Variants in DPP10 observed in about 807,000 individuals in gnomAD.
DPP10 encodes the protein dipeptidyl peptidase like 10.
DPP10 carries 33 observed loss-of-function variants against 120.9 expected under a neutral mutation model. The ratio of observed to expected loss-of-function variants is 0.27; its 90% confidence interval spans 0.21 to 0.37. The LOEUF (loss-of-function observed/expected upper bound fraction) is 0.37. DPP10 is among the 10% of genes least tolerant of loss of function. DPP10 has a pLI of 1.00. For synonymous variants in DPP10, 337 were observed against 326.1 expected (o/e 1.03, Z -0.36); for missense variants, 816 against 942.8 (o/e 0.87, Z 1.76).
At chr2:114,971,704 G>A in intron 1 of DPP10, among the ~76,000 whole-genome samples, 1 of 149,330 alleles carries the variant, frequency 6.7e-6, no homozygotes, top group Admixed American at 6.7e-5. Flanking sequence ...GGGGGGCAAG[G>A]GATATTAAAC....
chr2:115,678,560 A>G (rs1014852501), intron 5 of DPP10, among the ~76,000 whole-genome samples: 6 of 152,124 alleles, frequency 3.9e-5, no homozygotes, highest in Non-Finnish European at 8.8e-5. Flanking sequence ...AGTCTACTGC[A>G]GGGGTGCAGT....
At chr2:114,495,616 G>A (rs1228829584) in intron 1 of DPP10, among the ~76,000 whole-genome samples, 1 of 152,178 alleles carries the variant, frequency 6.6e-6, no homozygotes, top group Admixed American at 6.5e-5. Flanking sequence ...ACATTGCAAA[G>A]GGAGGTTTTA....
At chr2:115,647,332 A>C (rs551928042) in intron 5 of DPP10, among the ~76,000 whole-genome samples, 1 of 152,070 alleles carries the variant, frequency 6.6e-6, no homozygotes, top group Non-Finnish European at 1.5e-5. Context: ...AGCACATAGG[A>C]AGCTTTTTAA....
chr2:115,060,214 T>C (rs1389146162), intron 1 of DPP10, among the ~76,000 whole-genome samples: 4 of 148,830 alleles, frequency 2.7e-5, no homozygotes, highest in East Asian at 3.9e-4. Context: ...TATATATATA[T>C]ACACTATATA....
chr2:115,691,840 T>C (rs1004857942), intron 7 of DPP10, among the ~76,000 whole-genome samples: 1 of 152,204 alleles, frequency 6.6e-6, no homozygotes, highest in East Asian at 1.9e-4. Flanking sequence ...TCTTAATATC[T>C]CAAATTTTAC....
At chr2:115,771,740 A>G (rs1191175059) in intron 13 of DPP10, among the ~76,000 whole-genome samples, 1 of 152,162 alleles carries the variant, frequency 6.6e-6, no homozygotes. Flanking sequence ...GGGCCTTGGC[A>G]GCCAACAGTC....
At position 115,095,574 on chromosome 2, in the gene DPP10, G is replaced by GTT. The variant is rs924847937; in HGVS notation, c.61-213656_61-213655dup. Among the ~76,000 whole-genome samples the GTT allele has an allele frequency of 2.0e-4, 27 of 137,772 alleles. 1 individual carries two copies. The highest frequency in any genetic ancestry group is 3.7e-4 in the Admixed American group (5 of 13,428). The allele number at this position is 137,772 out of a possible 152,430, so 90.4% of individuals were successfully genotyped here. ...AAAAGGAATTCTGCAATTCTGTTTG[G>GTT]TTTTTTTTTTGTTTTTTTTTTTTGA... is the stretch of plus-strand genomic sequence containing the variant. On this transcript the variant is annotated intron_variant, in intron 1 of 25. Transcript: ENST00000410059.
chr2:115,752,669 G>A (rs998777957), intron 10 of DPP10, among the ~76,000 whole-genome samples: 1 of 151,952 alleles, frequency 6.6e-6, no homozygotes. Context: ...ATAACACAGA[G>A]GTTATGTATA....
intron 1 of DPP10, among the ~76,000 whole-genome samples, chr2:114,926,951 C>T (rs1361356563): frequency 5.3e-5 from 8 of 150,648 alleles, no homozygotes; most frequent in African/African-American, 1.7e-4. Context: ...CCCAGGTTCA[C>T]GCCATTCTTC....
intron 3 of DPP10, among the ~76,000 whole-genome samples, chr2:115,480,082 G>A (rs2075335671): frequency 6.6e-6 from 1 of 151,988 alleles, no homozygotes; most frequent in African/African-American, 2.4e-5. Flanking sequence ...TAAGGGGGTG[G>A]AGATCAAGCA....
chr2:114,495,654 A>T (rs1056022947), intron 1 of DPP10, among the ~76,000 whole-genome samples: 2 of 152,200 alleles, frequency 1.3e-5, no homozygotes, highest in Non-Finnish European at 2.9e-5. Context: ...AAAAGAATCT[A>T]CTTGGTCTCA....
At chr2:115,626,307 T>C (rs1174288554) in intron 5 of DPP10, among the ~76,000 whole-genome samples, 4 of 152,188 alleles carry the variant, frequency 2.6e-5, no homozygotes, top group African/African-American at 9.6e-5. Flanking sequence ...AATTATTTAC[T>C]ACCATACTGA....
At chr2:114,618,549 A>G (rs1178329418) in intron 1 of DPP10, among the ~76,000 whole-genome samples, 1 of 151,998 alleles carries the variant, frequency 6.6e-6, no homozygotes, top group East Asian at 1.9e-4. Flanking sequence ...ATTTTTTAAC[A>G]GGGTTGTTGG....
At chr2:114,741,352 AAG>A (rs1423327262) in intron 1 of DPP10, among the ~76,000 whole-genome samples, 1 of 152,200 alleles carries the variant, frequency 6.6e-6, no homozygotes, top group African/African-American at 2.4e-5. Context: ...AGCAAAGACT[AAG>A]AGAGCCACAT....
chr2:115,688,840 C>T (rs2091153449), intron 5 of DPP10, among the ~76,000 whole-genome samples: 1 of 152,140 alleles, frequency 6.6e-6, no homozygotes, highest in Admixed American at 6.6e-5. Flanking sequence ...ATATTACATA[C>T]TTGTAGCCAT....
chr2:115,477,182 A>G lies in DPP10; in HGVS notation c.272-22328A>G, dbSNP rs190145419. 1.1e-3 allele frequency among the ~76,000 whole-genome samples: 174 copies of G among 152,308 alleles called. 1 individual carries two copies. The highest frequency in any genetic ancestry group is 3.4e-3 in the Middle Eastern group (1 of 294). On this transcript the variant is annotated intron_variant, in intron 3 of 25. Transcript: ENST00000410059. ...TCTGATCAAGGAAATTAGCCAAGAA[A>G]AAGAAATAAAAGCCTTGGAAACTGG...
chr2:114,625,757 T>C (rs1694461305), intron 1 of DPP10, among the ~76,000 whole-genome samples: 1 of 151,974 alleles, frequency 6.6e-6, no homozygotes, highest in African/African-American at 2.4e-5. Context: ...GAAAGCTAAG[T>C]CAGGTAGGCT....
chr2:115,713,442 T>C (rs533173018), intron 7 of DPP10, among the ~76,000 whole-genome samples: 1 of 152,304 alleles, frequency 6.6e-6, no homozygotes, highest in South Asian at 2.1e-4. Context: ...GGTCAATTTT[T>C]AGTGGCAACA....
chr2:115,715,434 C>T (rs1188671957), intron 7 of DPP10, among the ~76,000 whole-genome samples: 1 of 151,690 alleles, frequency 6.6e-6, no homozygotes, highest in African/African-American at 2.4e-5. Context: ...CATCTGAAGC[C>T]TTTTTTTGAC....
Sources: allele counts gnomAD v4.1 joint callset (sites outside exome capture counted in the v4.1 genomes callset), GRCh38; gene constraint gnomAD v4.1.1; transcripts MANE v1.5; gene names NCBI Gene and HGNC (gene_info 2026-07-23, HGNC 2026-07-21).